The following ROBO1 variants were observed in gnomAD, a reference collection of about 807,000 sequenced individuals.
ROBO1 encodes roundabout homolog 1.
ROBO1 carries 149 observed loss-of-function variants against 195.9 expected under a neutral mutation model. The observed-to-expected ratio is 0.76, with a 90% CI of 0.67 to 0.87. ROBO1 has a LOEUF of 0.87. Among genes scored for constraint, ROBO1 ranks in the 40% least tolerant of loss-of-function variants. The pLI, the probability that ROBO1 is intolerant of heterozygous loss-of-function variation, is 0.00. For missense variants in ROBO1, 1,933 were observed against 2,068.3 expected (o/e 0.93, Z 1.27); for synonymous variants, 816 against 733.2 (o/e 1.11, Z -1.82).
At chr3:79,101,588 C>G (rs970746046) in intron 3 of ROBO1, among the ~76,000 whole-genome samples, 2 of 151,754 alleles carry the variant, frequency 1.3e-5, no homozygotes, top group Non-Finnish European at 2.9e-5. Context: ...TCATCCTCAC[C>G]GTTTTCTTTG....
At chr3:78,956,129 T>A (rs2041035914) in intron 3 of ROBO1, among the ~76,000 whole-genome samples, 1 of 152,188 alleles carries the variant, frequency 6.6e-6, no homozygotes, top group Non-Finnish European at 1.5e-5. Context: ...TCATAAATAC[T>A]TAAATAGTAT....
chr3:79,393,405 G>T (rs544755070), intron 2 of ROBO1, among the ~76,000 whole-genome samples: 3 of 152,142 alleles, frequency 2.0e-5, no homozygotes, highest in African/African-American at 7.2e-5. Context: ...GAAATAGCCA[G>T]CATTCAGTAC....
At chr3:79,635,514 A>G (rs1206168508) in intron 1 of ROBO1, among the ~76,000 whole-genome samples, 1 of 152,178 alleles carries the variant, frequency 6.6e-6, no homozygotes, top group African/African-American at 2.4e-5. Flanking sequence ...ATCATTGAAC[A>G]CCATCTTGAC....
intron 2 of ROBO1, among the ~76,000 whole-genome samples, chr3:79,162,182 A>G (rs1406507652): frequency 6.6e-6 from 1 of 152,126 alleles, no homozygotes; most frequent in Non-Finnish European, 1.5e-5. Flanking sequence ...TAAAATTGGA[A>G]AGGAGTTCCT....
At chr3:79,070,388 A>G (rs571017780) in intron 3 of ROBO1, among the ~76,000 whole-genome samples, 1 of 151,888 alleles carries the variant, frequency 6.6e-6, no homozygotes, top group South Asian at 2.1e-4. Flanking sequence ...CTGCAAATCT[A>G]TGTAAGTGGA....
chr3:79,302,732 G>A (rs1448629266), intron 2 of ROBO1, among the ~76,000 whole-genome samples: 1 of 152,086 alleles, frequency 6.6e-6, no homozygotes, highest in South Asian at 2.1e-4. Flanking sequence ...GTGTAATTAT[G>A]TATAATGGAA....
intron 4 of ROBO1, among the ~76,000 whole-genome samples, chr3:78,755,088 G>A (rs1407250462): frequency 1.3e-5 from 2 of 152,176 alleles, no homozygotes; most frequent in African/African-American, 2.4e-5. Context: ...AGCCACTGGA[G>A]TCTTAAGCAA....
chr3:79,530,391 C>T (rs1190340596), intron 2 of ROBO1, among the ~76,000 whole-genome samples: 2 of 152,040 alleles, frequency 1.3e-5, no homozygotes, highest in Non-Finnish European at 2.9e-5. Context: ...GCCAGTTTGA[C>T]ATTACTACCT....
intron 8 of ROBO1, among the ~76,000 whole-genome samples, chr3:78,711,419 CTTTCTTTCTTTCTTTCTTTCT>C (rs2081730526): frequency 3.1e-5 from 3 of 96,312 alleles, no homozygotes; most frequent in Admixed American, 1.2e-4. Context: ...TTCTTTCTTT[CTTTCTTTCTTTCTTTCTTTCT>C]TTCCTTCCTT....
intron 2 of ROBO1, among the ~76,000 whole-genome samples, chr3:79,447,838 T>C (rs2039315684): frequency 6.6e-6 from 1 of 152,180 alleles, no homozygotes; most frequent in Admixed American, 6.5e-5. Flanking sequence ...TTTCTACTTC[T>C]GTTAATTGTA....
chr3:79,515,752 A>G lies in ROBO1; in HGVS notation c.88+74072T>C, dbSNP rs151276958. Among the ~76,000 whole-genome samples, 924 of 152,302 alleles carry G rather than the reference A, an allele frequency of 6.1e-3. 3 individuals are homozygous for G. Among genetic ancestry groups the G allele is most frequent in the Non-Finnish European group, 0.01 (681 of 68,028 alleles). On this transcript the variant is annotated intron_variant, in intron 2 of 30. Coordinates refer to ENST00000464233, the MANE Select transcript of ROBO1 (RefSeq NM_002941.4). ...ACGTGAATATAGTCTTTGGGTTGAA[A>G]CAACATTTTTCTTGGGTAATATCCC...
rs140817196 is a variant in ROBO1, at chr3:79,315,391, G to A, written c.89-189852C>T. ...GCAGGAGACCACTTACGGGACTGAT[G>A]AAATAAATCAGGCAAGAGATTATAG... On this transcript the variant is annotated intron_variant, in intron 2 of 30. Coordinates refer to ENST00000464233, the MANE Select transcript of ROBO1 (RefSeq NM_002941.4). Among the ~76,000 whole-genome samples, 89 of 152,344 alleles carry A rather than the reference G, an allele frequency of 5.8e-4. 1 individual carries two copies. The East Asian group carries it at 0.016, about 28-fold the overall frequency.
intron 2 of ROBO1, among the ~76,000 whole-genome samples, chr3:79,541,005 G>T (rs924410779): frequency 6.6e-6 from 1 of 151,970 alleles, no homozygotes; most frequent in African/African-American, 2.4e-5. Context: ...AGTCTTATTT[G>T]AGTAAATTTC....
chr3:79,216,466 G>A (rs2082056822), intron 2 of ROBO1, among the ~76,000 whole-genome samples: 1 of 152,078 alleles, frequency 6.6e-6, no homozygotes, highest in South Asian at 2.1e-4. Flanking sequence ...GGTTTAAAGT[G>A]AAGTTAAGCA....
chr3:79,399,096 A>G (rs972868471), intron 2 of ROBO1, among the ~76,000 whole-genome samples: 14 of 152,100 alleles, frequency 9.2e-5, no homozygotes, highest in African/African-American at 3.4e-4. Context: ...GGGGCTTCAG[A>G]TCAATAGCAG....
chr3:78,615,525 C>T (rs1296507566), intron 27 of ROBO1, among the ~76,000 whole-genome samples: 3 of 152,092 alleles, frequency 2.0e-5, no homozygotes, highest in Admixed American at 6.6e-5. Context: ...TTAGACATGG[C>T]GTATTTCAAA....
chr3:78,990,585 A>T (rs927428487), intron 3 of ROBO1, among the ~76,000 whole-genome samples: 2 of 152,216 alleles, frequency 1.3e-5, no homozygotes, highest in Non-Finnish European at 2.9e-5. Context: ...GAGAAATCAT[A>T]GACAAAAAAT....
intron 3 of ROBO1, among the ~76,000 whole-genome samples, chr3:79,000,164 G>A (rs2077465433): frequency 6.6e-6 from 1 of 152,094 alleles, no homozygotes; most frequent in Admixed American, 6.6e-5. Context: ...TTACAACCAT[G>A]GTGGAAGGGA....
At chr3:78,997,430 G>T (rs2108104231) in intron 3 of ROBO1, among the ~76,000 whole-genome samples, 1 of 152,198 alleles carries the variant, frequency 6.6e-6, no homozygotes, top group East Asian at 1.9e-4. Context: ...AAGCATTCGA[G>T]AAATGAACAA....
Sources: allele counts gnomAD v4.1 joint callset (sites outside exome capture counted in the v4.1 genomes callset), GRCh38; gene constraint gnomAD v4.1.1; transcripts MANE v1.5; gene names NCBI Gene and HGNC (gene_info 2026-07-23, HGNC 2026-07-21).